PPARGC1A: variants seen among roughly 807,000 people sequenced by gnomAD.
PPARGC1A encodes the protein peroxisome proliferator-activated receptor gamma coactivator 1-alpha.
PPARGC1A carries 25 observed loss-of-function variants against 88.7 expected under a neutral mutation model. The observed-to-expected ratio is 0.28, with a 90% CI of 0.21 to 0.39. The LOEUF is 0.39. Ranked by LOEUF, PPARGC1A falls within the 10% of genes least tolerant of loss-of-function variation. The pLI is 1.00. For synonymous variants in PPARGC1A, 363 were observed against 355.6 expected (o/e 1.02, Z -0.24); for missense variants, 880 against 968.7 (o/e 0.91, Z 1.22).
the PPARGC1A span, among the ~76,000 whole-genome samples, chr4:24,117,804 G>T: frequency 6.6e-6 from 1 of 152,028 alleles, no homozygotes; most frequent in Non-Finnish European, 1.5e-5. Context: ...ATATGCGTTG[G>T]TTGGATGATA....
the PPARGC1A span, among the ~76,000 whole-genome samples, chr4:23,924,352 G>A: frequency 2.6e-5 from 4 of 152,214 alleles, no homozygotes; most frequent in Non-Finnish European, 4.4e-5. Context: ...TCTAGGCCAG[G>A]CGTGGTGCCT....
the PPARGC1A span, among the ~76,000 whole-genome samples, chr4:24,151,617 T>G: frequency 0.01 from 1,568 of 152,298 alleles, 35 homozygotes; most frequent in African/African-American, 0.036. Context: ...TTTATATTGA[T>G]TAAACATATT....
At chr4:23,896,232 G>A (rs1718588972) in intron 1 of PPARGC1A, among the ~76,000 whole-genome samples, 1 of 151,920 alleles carries the variant, frequency 6.6e-6, no homozygotes, top group Non-Finnish European at 1.5e-5. Context: ...TCCTTTATGT[G>A]AATGTGCCTT....
chr4:24,299,106 A>G, the PPARGC1A span, among the ~76,000 whole-genome samples: 1 of 152,178 alleles, frequency 6.6e-6, no homozygotes, highest in Non-Finnish European at 1.5e-5. Flanking sequence ...ACCAATGCAC[A>G]AATACTGCCA....
chr4:24,054,324 A>AC, the PPARGC1A span, among the ~76,000 whole-genome samples: 10 of 151,828 alleles, frequency 6.6e-5, no homozygotes, highest in Non-Finnish European at 1.0e-4. Context: ...AAAAAAAAAA[A>AC]AACACTATAT....
chr4:24,000,246 T>G, the PPARGC1A span, among the ~76,000 whole-genome samples: 4 of 152,158 alleles, frequency 2.6e-5, no homozygotes, highest in Admixed American at 2.6e-4. Context: ...ATAACTCCAC[T>G]AAGCTCTGCT....
the PPARGC1A span, among the ~76,000 whole-genome samples, chr4:24,149,776 T>C: frequency 1.3e-5 from 2 of 152,188 alleles, no homozygotes; most frequent in Non-Finnish European, 2.9e-5. Context: ...CAGTTTTATG[T>C]TTTTAGTTCC....
chr4:24,175,081 G>A, the PPARGC1A span, among the ~76,000 whole-genome samples: 2 of 152,134 alleles, frequency 1.3e-5, no homozygotes, highest in Non-Finnish European at 1.5e-5. Flanking sequence ...CCCTACAGAG[G>A]CCTCGCGATA....
chr4:23,994,741 G>A, the PPARGC1A span, among the ~76,000 whole-genome samples: 1 of 152,104 alleles, frequency 6.6e-6, no homozygotes, highest in African/African-American at 2.4e-5. Flanking sequence ...GAAGGCTGTA[G>A]GGCAAGGGAG....
chr4:24,251,319 T>A, the PPARGC1A span, among the ~76,000 whole-genome samples: 1 of 152,224 alleles, frequency 6.6e-6, no homozygotes, highest in African/African-American at 2.4e-5. Flanking sequence ...ATAGAGTCAC[T>A]ATGAAGATTA....
At chr4:24,338,726 C>G in the PPARGC1A span, among the ~76,000 whole-genome samples, 1 of 151,924 alleles carries the variant, frequency 6.6e-6, no homozygotes, top group Non-Finnish European at 1.5e-5. Flanking sequence ...GGACTGAAGA[C>G]TCATCTTGCT....
the PPARGC1A span, among the ~76,000 whole-genome samples, chr4:24,102,199 T>C: frequency 6.6e-6 from 1 of 152,368 alleles, no homozygotes; most frequent in East Asian, 1.9e-4. Flanking sequence ...AGTATCATGG[T>C]GGTATTTAAA....
chr4:23,877,126 T>C (rs982120760), intron 2 of PPARGC1A, among the ~76,000 whole-genome samples: 1 of 152,172 alleles, frequency 6.6e-6, no homozygotes, highest in Non-Finnish European at 1.5e-5. Context: ...TATTTCATTG[T>C]GGATCTCTCT....
At chr4:24,140,935 T>C in the PPARGC1A span, among the ~76,000 whole-genome samples, 3 of 151,900 alleles carry the variant, frequency 2.0e-5, no homozygotes, top group Non-Finnish European at 4.4e-5. Context: ...ATGCCAAGAG[T>C]GCTCTTGGCA....
chr4:24,463,661 G>C, the PPARGC1A span, among the ~76,000 whole-genome samples: 1 of 152,202 alleles, frequency 6.6e-6, no homozygotes, highest in African/African-American at 2.4e-5. Context: ...TGAGGATCTA[G>C]AATTGAAGAG....
the PPARGC1A span, among the ~76,000 whole-genome samples, chr4:24,001,141 T>C: frequency 6.6e-6 from 1 of 152,206 alleles, no homozygotes; most frequent in African/African-American, 2.4e-5. Flanking sequence ...AATCCATATA[T>C]CATGTTAAAA....
chr4:24,035,612 A>G, the PPARGC1A span, among the ~76,000 whole-genome samples: 17,008 of 151,924 alleles, frequency 0.11, 1,133 homozygotes, highest in South Asian at 0.2. Flanking sequence ...AATATGAGTA[A>G]TTTTTGTAGG....
At chr4:24,265,751 G>GA in the PPARGC1A span, among the ~76,000 whole-genome samples, 1 of 151,900 alleles carries the variant, frequency 6.6e-6, no homozygotes, top group Non-Finnish European at 1.5e-5. Flanking sequence ...TGGTCAAAGA[G>GA]AAAACTAGGG....
chr4:24,244,883 A>G, the PPARGC1A span, among the ~76,000 whole-genome samples: 2 of 152,192 alleles, frequency 1.3e-5, no homozygotes, highest in African/African-American at 4.8e-5. Flanking sequence ...CCAACTTGTG[A>G]CCTTCTATAT....
Sources: gnomAD v4.1 joint callset for allele counts (sites outside exome capture counted in the v4.1 genomes callset) on GRCh38, gnomAD v4.1.1 for gene constraint, MANE v1.5 for transcripts, NCBI Gene and HGNC (gene_info 2026-07-23, HGNC 2026-07-21) for gene names.